Variants in ATRNL1 observed in about 807,000 individuals in gnomAD.
ATRNL1 encodes the protein attractin-like protein 1.
ATRNL1 carries 95 observed loss-of-function variants against 182.7 expected under a neutral mutation model. The observed-to-expected ratio is 0.52, with a 90% CI of 0.44 to 0.62. The LOEUF is 0.62. ATRNL1 is among the 20% of genes least tolerant of loss of function. The pLI is 0.00. For missense variants in ATRNL1, 1,471 were observed against 1,679.5 expected, an observed-to-expected ratio of 0.88 and a Z score of 2.17; for synonymous variants, 576 against 568.3, an observed-to-expected ratio of 1.01 and a Z score of -0.19.
intron 22 of ATRNL1, among the ~76,000 whole-genome samples, chr10:115,464,365 T>A (rs1191464020): frequency 6.6e-6 from 1 of 151,986 alleles, no homozygotes; most frequent in Non-Finnish European, 1.5e-5. Context: ...TAACTCGCTA[T>A]CCATCACTTC....
rs376462785 is a variant in ATRNL1, at chr10:115,464,679, C to T, written c.3418-2495C>T. 3.3e-5 allele frequency among the ~76,000 whole-genome samples: 5 copies of T among 151,836 alleles called. 1 individual carries two copies. Among genetic ancestry groups the T allele is most frequent in the African/African-American group, 1.2e-4 (5 of 41,490 alleles). On this transcript the variant is annotated intron_variant, in intron 22 of 28. Transcript: ENST00000355044. ...TTGGAAATTTTGTGTGACCTTTTAGCGACAACAGTTATGCTCATATTAATC... is the reference window on the plus strand; with the variant it reads ...TTGGAAATTTTGTGTGACCTTTTAGTGACAACAGTTATGCTCATATTAATC...
At chr10:115,663,610 A>G (rs767437177) in intron 26 of ATRNL1, among the ~76,000 whole-genome samples, 70 of 152,038 alleles carry the variant, frequency 4.6e-4, no homozygotes, top group Non-Finnish European at 8.8e-4. Context: ...AGTATAATAT[A>G]CGAAAAGTGT....
intron 27 of ATRNL1, among the ~76,000 whole-genome samples, chr10:115,795,276 C>T (rs1555082655): frequency 6.6e-6 from 1 of 152,150 alleles, no homozygotes; most frequent in African/African-American, 2.4e-5. Flanking sequence ...ATACTGAACA[C>T]CATGAGTTTA....
chr10:115,338,766 C>T (rs1291419365), intron 19 of ATRNL1, among the ~76,000 whole-genome samples: 1 of 152,118 alleles, frequency 6.6e-6, no homozygotes, highest in African/African-American at 2.4e-5. Context: ...CTTTAGTTGC[C>T]TGTGCTTACA....
At chr10:115,531,457 C>T (rs1429315432) in intron 25 of ATRNL1, among the ~76,000 whole-genome samples, 29 of 152,104 alleles carry the variant, frequency 1.9e-4, no homozygotes, top group Non-Finnish European at 2.8e-4. Flanking sequence ...TACCCTTTGG[C>T]CACTTTTTGA....
intron 13 of ATRNL1, among the ~76,000 whole-genome samples, chr10:115,279,290 G>A (rs992302109): frequency 1.3e-5 from 2 of 151,984 alleles, no homozygotes; most frequent in Non-Finnish European, 2.9e-5. Flanking sequence ...TATCATGAGG[G>A]TAATATTAAG....
intron 10 of ATRNL1, among the ~76,000 whole-genome samples, chr10:115,247,815 A>C (rs1260105358): frequency 1.3e-5 from 2 of 152,216 alleles, no homozygotes; most frequent in Non-Finnish European, 2.9e-5. Context: ...TGTGGTATAT[A>C]TACATGCTGA....
chr10:115,277,142 A>G (rs1278108643), intron 13 of ATRNL1, among the ~76,000 whole-genome samples: 1 of 145,532 alleles, frequency 6.9e-6, no homozygotes, highest in Non-Finnish European at 1.5e-5. Flanking sequence ...TTTATATACT[A>G]TATGAAAACA....
At chr10:115,493,012 A>G (rs1208964382) in intron 24 of ATRNL1, among the ~76,000 whole-genome samples, 2 of 152,180 alleles carry the variant, frequency 1.3e-5, no homozygotes, top group Non-Finnish European at 2.9e-5. Flanking sequence ...ATGTAAAACA[A>G]CATCACTTTG....
chr10:115,645,511 T>TA lies in ATRNL1; in HGVS notation c.3796-81730dup, dbSNP rs199556495. On this transcript the variant is annotated intron_variant, in intron 26 of 28. Transcript: ENST00000355044. The stretch of plus-strand genomic sequence containing the variant: ...ATAGAGATTTATATATATATAAATA[T>TA]AAAAAAATATATATCCCTCTGGATA... Among the ~76,000 whole-genome samples the TA allele has an allele frequency of 1.8e-4, 26 of 148,054 alleles. No homozygotes were observed. In the East Asian group the frequency reaches 4.5e-3, roughly 26 times the overall value.
chr10:115,177,912 G>GTTTTTTTTTTTTTTTTTTTTTTTTTTTT (rs1410691720), intron 8 of ATRNL1, among the ~76,000 whole-genome samples: 1 of 71,062 alleles, frequency 1.4e-5, no homozygotes, highest in African/African-American at 4.8e-5. Flanking sequence ...TGTTTTTTTT[G>GTTTTTTTTTTTTTTTTTTTTTTTTTTTT]TTTTTTTTTT....
intron 20 of ATRNL1, among the ~76,000 whole-genome samples, chr10:115,410,450 T>G (rs2134336811): frequency 6.6e-6 from 1 of 151,882 alleles, no homozygotes; most frequent in Middle Eastern, 3.4e-3. Context: ...GCCTCCCGAG[T>G]AGCTGGGACT....
At chr10:115,887,274 GT>G (rs1951969047) in intron 28 of ATRNL1, among the ~76,000 whole-genome samples, 1 of 152,082 alleles carries the variant, frequency 6.6e-6, no homozygotes, top group Non-Finnish European at 1.5e-5. Flanking sequence ...GTTTGTCTTA[GT>G]TTTGGGAGCT....
chr10:115,776,884 C>T (rs1265454309), intron 27 of ATRNL1, among the ~76,000 whole-genome samples: 6 of 152,082 alleles, frequency 3.9e-5, no homozygotes, highest in African/African-American at 1.2e-4. Context: ...GGGCCAGGCG[C>T]GGCGGCTCAC....
At chr10:115,644,295 C>G (rs1565242534) in intron 26 of ATRNL1, among the ~76,000 whole-genome samples, 1 of 152,104 alleles carries the variant, frequency 6.6e-6, no homozygotes, top group African/African-American at 2.4e-5. Context: ...TTTTTTTACT[C>G]TTTAATCTGT....
intron 5 of ATRNL1, among the ~76,000 whole-genome samples, chr10:115,137,681 T>A (rs1554877049): frequency 6.6e-6 from 1 of 152,140 alleles, no homozygotes; most frequent in East Asian, 1.9e-4. Flanking sequence ...CCTGCCCCCA[T>A]GATTCAGTTA....
chr10:115,377,736 C>A (rs1411249929), intron 19 of ATRNL1, among the ~76,000 whole-genome samples: 1 of 152,124 alleles, frequency 6.6e-6, no homozygotes. Context: ...GGTCCTTGGG[C>A]TGATGGAATT....
At chr10:115,497,666 C>CTT (rs11440990) in intron 24 of ATRNL1, among the ~76,000 whole-genome samples, 118 of 148,144 alleles carry the variant, frequency 8.0e-4, no homozygotes, top group Middle Eastern at 3.5e-3. Context: ...TCTTTTTTTT[C>CTT]TTTTTTTTTT....
intron 26 of ATRNL1, among the ~76,000 whole-genome samples, chr10:115,643,036 A>G (rs930841110): frequency 6.6e-6 from 1 of 152,194 alleles, no homozygotes; most frequent in South Asian, 2.1e-4. Context: ...AAAGTATGGC[A>G]CTCAGACAAA....
Sources: allele counts gnomAD v4.1 joint callset (sites outside exome capture counted in the v4.1 genomes callset), GRCh38; gene constraint gnomAD v4.1.1; transcripts MANE v1.5; gene names NCBI Gene and HGNC (gene_info 2026-07-23, HGNC 2026-07-21).